The following WDFY4 variants were observed in gnomAD, a reference collection of about 807,000 sequenced individuals.
The protein encoded by WDFY4 is WDFY family member 4, also known as WD repeat- and FYVE domain-containing protein 4.
WDFY4 carries 169 observed loss-of-function variants against 351.9 expected under a neutral mutation model. The ratio of observed to expected loss-of-function variants is 0.48; its 90% CI spans 0.42 to 0.55. The LOEUF is 0.55. Ranked by LOEUF, WDFY4 falls within the 20% of genes least tolerant of loss-of-function variation. The probability of loss-of-function intolerance (pLI) is 0.00; values close to 1 mark genes in which losing one functional copy is unlikely to be tolerated. For synonymous variants in WDFY4, 1,622 were observed against 1,574.6 expected (o/e 1.03, Z -0.71); for missense variants, 3,803 against 3,935.6 (o/e 0.97, Z 0.90).
At chr10:48,849,013 G>A (rs1310712746) in intron 39 of WDFY4, among the ~76,000 whole-genome samples, 2 of 152,110 alleles carry the variant, frequency 1.3e-5, no homozygotes, top group Non-Finnish European at 1.5e-5. Flanking sequence ...TATCTACCTT[G>A]GCAGCAGTTT....
chr10:48,846,487 G>A (rs1019723719), intron 39 of WDFY4, among the ~76,000 whole-genome samples: 4 of 152,156 alleles, frequency 2.6e-5, no homozygotes, highest in East Asian at 1.9e-4. Context: ...GAAGGCCTTC[G>A]GGTTTGCACA....
intron 11 of WDFY4, 118 bp downstream of exon 11, chr10:48,736,188 A>T (rs1369052021): frequency 2.5e-6 from 3 of 1,176,544 alleles, no homozygotes; most frequent in East Asian, 2.6e-5. Context: ...GGCAGGCAGT[A>T]CCCTGTATTA....
In WDFY4 at chr10:48,731,321, C is replaced by A. The variant is rs1226797802; in HGVS notation, c.1341C>A (p.His447Gln). The A allele has an allele frequency of 1.5e-5, 23 of 1,551,726 alleles. No individual in the cohort carries two copies. Among genetic ancestry groups the A allele is most frequent in the African/African-American group, 2.7e-5 (2 of 73,062 alleles). ...TGAAGCCGGCCCCAGTGCAGGAACA[C>A]TTCTTCCAGCTTCTAGAGGCCCTGG... The part of the protein sequence containing the change: ...MPLKPAPVQE[H>Q]FFQLLEALVF... Residue 447 changes from histidine (H) to glutamine (Q), a missense_variant, in exon 9 of 62, where the codon CAC (histidine) becomes CAA (glutamine). Physicochemically the swap from His to Gln is conservative, Grantham distance 24. Coordinates refer to ENST00000325239, the MANE Select transcript of WDFY4 (RefSeq NM_001394531.1).
At chr10:48,798,747 A>G (rs2066957220) in intron 24 of WDFY4, among the ~76,000 whole-genome samples, 1 of 152,230 alleles carries the variant, frequency 6.6e-6, no homozygotes, top group Admixed American at 6.5e-5. Context: ...TAACGAGCTA[A>G]TCTTGATGGC....
chr10:48,690,761 G>A (rs548521275), intron 1 of WDFY4, among the ~76,000 whole-genome samples: 34 of 152,256 alleles, frequency 2.2e-4, no homozygotes, highest in African/African-American at 6.5e-4. Flanking sequence ...TCATCCAGTC[G>A]TCTCTCCATC....
chr10:48,934,894 C>T (rs926733698), intron 47 of WDFY4, among the ~76,000 whole-genome samples: 6 of 152,222 alleles, frequency 3.9e-5, no homozygotes, highest in Non-Finnish European at 8.8e-5. Context: ...ATGACTTGCA[C>T]ACCTGCCTTC....
intron 23 of WDFY4, among the ~76,000 whole-genome samples, chr10:48,793,427 G>A (rs944650804): frequency 1.1e-4 from 16 of 152,218 alleles, no homozygotes; most frequent in African/African-American, 3.1e-4. Flanking sequence ...GAGAAGCTGC[G>A]TGGCAAGAGA....
intron 2 of WDFY4, among the ~76,000 whole-genome samples, chr10:48,713,048 C>G (rs1269666297): frequency 6.6e-6 from 1 of 152,130 alleles, no homozygotes; most frequent in Non-Finnish European, 1.5e-5. Context: ...TTCTTTGTTC[C>G]AAAGCAATGC....
intron 19 of WDFY4, among the ~76,000 whole-genome samples, chr10:48,783,164 G>A (rs1054242472): frequency 7.2e-5 from 11 of 152,006 alleles, no homozygotes; most frequent in African/African-American, 2.7e-4. Flanking sequence ...TTGGCTCCAG[G>A]ACCCTTCCTG....
intron 34 of WDFY4, 99 bp downstream of exon 34, chr10:48,821,275 A>G (rs1474843150): frequency 1.1e-6 from 1 of 941,106 alleles, no homozygotes; most frequent in African/African-American, 1.6e-5. Context: ...TAGCTGTGGG[A>G]TGCTGCCTCC....
chr10:48,842,237 C>T (rs774657581), intron 39 of WDFY4, among the ~76,000 whole-genome samples: 2 of 151,904 alleles, frequency 1.3e-5, no homozygotes, highest in African/African-American at 2.4e-5. Flanking sequence ...CTGAATAGAA[C>T]TGGCAGAACC....
chr10:48,688,217 A>G (rs1004698154), intron 1 of WDFY4, among the ~76,000 whole-genome samples: 3 of 152,186 alleles, frequency 2.0e-5, no homozygotes, highest in Non-Finnish European at 4.4e-5. Context: ...AACATTGTTA[A>G]CCACAGGTTT....
chr10:48,727,435 G>A (rs772958753), intron 6 of WDFY4, 35 bp from the exon 7 acceptor site: 3 of 1,541,020 alleles, frequency 1.9e-6, no homozygotes, highest in Non-Finnish European at 8.8e-7. Flanking sequence ...TTGCTTCCAA[G>A]CTCAGCAGGT....
chr10:48,724,240 G>A (rs542101581), intron 5 of WDFY4, among the ~76,000 whole-genome samples: 11 of 152,206 alleles, frequency 7.2e-5, no homozygotes, highest in Admixed American at 6.5e-4. Flanking sequence ...GGGGCCCGTC[G>A]CTGTGTGTCC....
At chr10:48,848,606 T>C (rs1217841796) in intron 39 of WDFY4, among the ~76,000 whole-genome samples, 1 of 152,120 alleles carries the variant, frequency 6.6e-6, no homozygotes, top group East Asian at 1.9e-4. Flanking sequence ...TGGGCCCCAG[T>C]GAGTGAGGAA....
intron 2 of WDFY4, among the ~76,000 whole-genome samples, chr10:48,716,442 T>A (rs1393477273): frequency 6.6e-6 from 1 of 152,252 alleles, no homozygotes; most frequent in Non-Finnish European, 1.5e-5. Flanking sequence ...AAAAGTTTTT[T>A]AAAATATTGA....
intron 47 of WDFY4, among the ~76,000 whole-genome samples, chr10:48,936,842 AAAAAAAAAAG>A (rs1361636955): frequency 5.3e-5 from 8 of 151,324 alleles, no homozygotes; most frequent in Non-Finnish European, 1.2e-4. Flanking sequence ...CGTCTCAAAA[AAAAAAAAAAG>A]AAAAAAAAAG....
chr10:48,896,279 T>A (rs894427014), intron 44 of WDFY4, among the ~76,000 whole-genome samples: 1 of 152,116 alleles, frequency 6.6e-6, no homozygotes, highest in African/African-American at 2.4e-5. Context: ...CACAGATGAG[T>A]GGCTATGTCA....
intron 39 of WDFY4, among the ~76,000 whole-genome samples, chr10:48,860,382 T>C (rs2069293683): frequency 6.6e-6 from 1 of 152,196 alleles, no homozygotes; most frequent in East Asian, 1.9e-4. Flanking sequence ...GCTAATTGTC[T>C]CCCTGGTGAA....
Sources: allele counts gnomAD v4.1 joint callset (sites outside exome capture counted in the v4.1 genomes callset), GRCh38; gene constraint gnomAD v4.1.1; transcripts MANE v1.5; gene names NCBI Gene and HGNC (gene_info 2026-07-23, HGNC 2026-07-21).